ATP11A: variants seen among roughly 807,000 people sequenced by gnomAD.
ATP11A encodes the protein phospholipid-transporting ATPase IH.
In ATP11A, 81 loss-of-function variants were observed where a neutral mutation model predicts 154.4. The observed-to-expected ratio is 0.52, with a 90% CI of 0.44 to 0.63. ATP11A has a LOEUF of 0.63. Among genes scored for constraint, ATP11A ranks in the 30% least tolerant of loss-of-function variants. The probability of loss-of-function intolerance (pLI) is 0.00; values close to 1 mark genes in which losing one functional copy is unlikely to be tolerated. For synonymous variants in ATP11A, 623 were observed against 585.9 expected, an observed-to-expected ratio of 1.06 and a Z score of -0.91; for missense variants, 1,316 against 1,474.3, an observed-to-expected ratio of 0.89 and a Z score of 1.76.
rs1235689655 is a variant in ATP11A at position 112,836,118 on chromosome 13, C to A, written c.1632-60C>A. Reference sequence around the variant, plus strand: ...TCTGCTGTGGAGAGCTCCACAGTTACCAGATGGAATCACGTGAGCACCCGT... The same window carrying A: ...TCTGCTGTGGAGAGCTCCACAGTTAACAGATGGAATCACGTGAGCACCCGT... On this transcript the variant is annotated intron_variant, in intron 15 of 29. Coordinates refer to ENST00000375645, the MANE Select transcript of ATP11A (RefSeq NM_015205.3). 3 of 1,268,434 alleles carry A rather than the reference C, an allele frequency of 2.4e-6. No homozygotes were observed. In the East Asian group the frequency reaches 7.0e-5, roughly 30 times the overall value. 78.6% of individuals were successfully genotyped at this position (1,268,434 alleles called of 1,614,324 possible). A position where few individuals can be genotyped will look rare whatever the true frequency, so the allele number is the denominator to read the frequency against.
intron 1 of ATP11A, among the ~76,000 whole-genome samples, chr13:112,711,840 G>A (rs562722070): frequency 4.6e-5 from 7 of 152,330 alleles, no homozygotes; most frequent in Non-Finnish European, 5.9e-5. Context: ...AAGGCTCCAC[G>A]CCCTCTCCCA....
chr13:112,737,794 T>C (rs1227715969), intron 1 of ATP11A, among the ~76,000 whole-genome samples: 1 of 152,146 alleles, frequency 6.6e-6, no homozygotes, highest in Non-Finnish European at 1.5e-5. Context: ...CAGCTCCGTG[T>C]CTTGGATTGA....
Position 112,838,560 on chromosome 13 carries a change from T to TGCACC in ATP11A, c.1705+2312_1705+2313insCCGCA, listed in dbSNP as rs1464424931. On this transcript the variant is annotated intron_variant, in intron 16 of 29. Transcript: ENST00000375645. This position sits in a 1 kb window ranked among gnomAD's most constrained non-coding sequence, Gnocchi z 7.3. The stretch of plus-strand genomic sequence containing the variant: ...CCACACGCTCACAAGGGGTTTTTGC[T>TGCACC]GCATCCTGAATGCCCAAGACCTCAG... Among the ~76,000 whole-genome samples the TGCACC allele has an allele frequency of 3.9e-5, 6 of 152,234 alleles. No homozygotes were observed. The highest frequency in any genetic ancestry group is 8.8e-5 in the Non-Finnish European group (6 of 68,034).
intron 28 of ATP11A, 33 bp from the exon 29 acceptor site, chr13:112,878,184 C>T (rs757138068): frequency 1.9e-6 from 3 of 1,593,562 alleles, no homozygotes; most frequent in East Asian, 2.2e-5. Flanking sequence ...TTCACACACC[C>T]CTGTGTGCGT....
chr13:112,773,365 G>A lies in ATP11A; in HGVS notation c.40-11770G>A, dbSNP rs145254945. 7.9e-4 allele frequency among the ~76,000 whole-genome samples: 120 copies of A among 152,322 alleles called. 1 individual carries two copies. The East Asian group carries it at 0.02, about 25-fold the overall frequency. ...TTAATTTATTTGCTGCTTAATCTGA[G>A]CAAAGGAAATGCCGCCTCTCTCTGT... On this transcript the variant is annotated intron_variant, in intron 1 of 29. Transcript: ENST00000375645.
intron 2 of ATP11A, among the ~76,000 whole-genome samples, chr13:112,786,667 C>T (rs923915341): frequency 3.4e-5 from 5 of 148,688 alleles, no homozygotes; most frequent in Admixed American, 1.3e-4. Flanking sequence ...GCGGAACGCA[C>T]GTGCCTGCAT....
rs1052121952 is a variant in ATP11A at position 112,884,902 on chromosome 13, G to A, written c.*3036G>A. The A allele has an allele frequency of 1.3e-5, 2 of 152,178 alleles. No individual in the cohort carries two copies. Among genetic ancestry groups the A allele is most frequent in the African/African-American group, 4.8e-5 (2 of 41,364 alleles). The allele number at this position is 152,178 out of a possible 1,614,324, so 9.4% of individuals were successfully genotyped here. A position where few individuals can be genotyped will look rare whatever the true frequency, so the allele number is the denominator to read the frequency against. On this transcript the variant is annotated 3_prime_UTR_variant, in exon 30 of 30. Transcript: ENST00000375645. ...CAGACCGTCTCAGACACGCACAGTGGGCCTGCTGCATGCGTGTTACCTGGC... is the reference window on the plus strand; with the variant it reads ...CAGACCGTCTCAGACACGCACAGTGAGCCTGCTGCATGCGTGTTACCTGGC...
Position 112,829,264 on chromosome 13 carries a change from G to T in ATP11A, c.1222-2111G>T, listed in dbSNP as rs1057283289. Among the ~76,000 whole-genome samples, 3 of 152,184 alleles carry T rather than the reference G, an allele frequency of 2.0e-5. No homozygotes were observed. The South Asian group carries it at 6.2e-4, about 32-fold the overall frequency. On this transcript the variant is annotated intron_variant, in intron 12 of 29. Coordinates refer to ENST00000375645, the MANE Select transcript of ATP11A (RefSeq NM_015205.3). Reference sequence around the variant, plus strand: ...ATTGACCAGCACTGGGCTTAGGGTTGACTGTCCCACCACCAGAAAAGAAAA... The same window carrying T: ...ATTGACCAGCACTGGGCTTAGGGTTTACTGTCCCACCACCAGAAAAGAAAA...
intron 2 of ATP11A, among the ~76,000 whole-genome samples, chr13:112,793,865 T>A (rs1354749334): frequency 6.6e-6 from 1 of 152,230 alleles, no homozygotes; most frequent in Non-Finnish European, 1.5e-5. Flanking sequence ...TGCTCTTCCC[T>A]GTCTGCACAC....
In ATP11A at chr13:112,746,323, C is replaced by A. The variant is rs1372899055; in HGVS notation, c.40-38812C>A. On this transcript the variant is annotated intron_variant, in intron 1 of 29. Transcript: ENST00000375645. This position sits in a 1 kb window ranked among gnomAD's most constrained non-coding sequence, Gnocchi z 4.1. Reference sequence around the variant, plus strand: ...CAACAGTGCACAGGGCTCCGGTTCCCCACGTCCTCACCGGGTAACTGGGGT... The same window carrying A: ...CAACAGTGCACAGGGCTCCGGTTCCACACGTCCTCACCGGGTAACTGGGGT... 2.0e-5 allele frequency: 3 copies of A among 152,134 alleles called. No individual in the cohort carries two copies. The highest frequency in any genetic ancestry group is 4.8e-5 in the African/African-American group (2 of 41,374). 9.4% of individuals were successfully genotyped at this position (152,134 alleles called of 1,614,324 possible). A position where few individuals can be genotyped will look rare whatever the true frequency, so the allele number is the denominator to read the frequency against.
At chr13:112,854,601 T>C (rs2140336715) in intron 19 of ATP11A, 71 bp downstream of exon 19, 1 of 1,515,620 alleles carries the variant, frequency 6.6e-7, no homozygotes, top group Non-Finnish European at 8.8e-7. Flanking sequence ...GGCCTTCACC[T>C]GCAAGTCGGG....
At chr13:112,784,040 G>A (rs1263367536) in intron 1 of ATP11A, among the ~76,000 whole-genome samples, 1 of 152,150 alleles carries the variant, frequency 6.6e-6, no homozygotes, top group Non-Finnish European at 1.5e-5. Context: ...GAGAGCTCTT[G>A]GCTTTGCCCA....
intron 6 of ATP11A, among the ~76,000 whole-genome samples, chr13:112,818,415 G>GTGAT (rs2078707380): frequency 6.6e-6 from 1 of 152,242 alleles, no homozygotes; most frequent in Non-Finnish European, 1.5e-5. Context: ...TGTGCACTTG[G>GTGAT]TGATGATGCA....
At chr13:112,804,562 G>A (rs1383977091) in intron 2 of ATP11A, among the ~76,000 whole-genome samples, 1 of 146,000 alleles carries the variant, frequency 6.8e-6, no homozygotes, top group African/African-American at 2.6e-5. Context: ...GCTGCCTGGA[G>A]CTGGGTGAAG....
intron 1 of ATP11A, among the ~76,000 whole-genome samples, chr13:112,778,563 A>G (rs1021637515): frequency 5.9e-5 from 9 of 152,258 alleles, no homozygotes; most frequent in Admixed American, 3.3e-4. Flanking sequence ...TGTCCCTGTG[A>G]ACAGCCGCTG....
At chr13:112,803,712 TC>T (rs1244254047) in intron 2 of ATP11A, among the ~76,000 whole-genome samples, 1 of 127,164 alleles carries the variant, frequency 7.9e-6, no homozygotes, top group African/African-American at 3.3e-5. Flanking sequence ...CTTCTCTCAT[TC>T]CCCTCCTTCC....
At chr13:112,725,458 C>G (rs1037468157) in intron 1 of ATP11A, among the ~76,000 whole-genome samples, 12 of 152,238 alleles carry the variant, frequency 7.9e-5, no homozygotes, top group Non-Finnish European at 1.2e-4. Flanking sequence ...TTCTCAGCCG[C>G]TGCCTTCACT....
intron 24 of ATP11A, chr13:112,860,701 A>G: frequency 3.5e-6 from 1 of 287,192 alleles, no homozygotes. Context: ...CTGGGGTACA[A>G]GCGTCTTCCT....
intron 16 of ATP11A, among the ~76,000 whole-genome samples, chr13:112,839,002 T>C (rs969139654): frequency 2.0e-5 from 3 of 152,136 alleles, no homozygotes; most frequent in African/African-American, 7.2e-5. Flanking sequence ...ATCTCACTGT[T>C]TTGGGGCTGA....
Sources: gnomAD v4.1 joint callset for allele counts (sites outside exome capture counted in the v4.1 genomes callset) on GRCh38, gnomAD v4.1.1 for gene constraint, Gnocchi (gnomAD v3.1) non-coding constraint, MANE v1.5 for transcripts, NCBI Gene and HGNC (gene_info 2026-07-23, HGNC 2026-07-21) for gene names.